The following VPS13B variants were observed in gnomAD, a reference collection of about 807,000 sequenced individuals.
VPS13B encodes the protein intermembrane lipid transfer protein VPS13B.
A neutral mutation model predicts 426.4 loss-of-function variants in VPS13B; 285 were observed. The observed-to-expected ratio is 0.67, with a 90% CI of 0.61 to 0.74. VPS13B has a LOEUF of 0.74. Ranked by LOEUF, VPS13B falls within the 30% of genes least tolerant of loss-of-function variation. VPS13B has a pLI of 0.00. For synonymous variants in VPS13B, 1,676 were observed against 1,676.4 expected (o/e 1.00, Z 0.01); for missense variants, 4,537 against 4,782.6 (o/e 0.95, Z 1.51).
chr8:99,342,188 A>G (rs1588271717), intron 19 of VPS13B, among the ~76,000 whole-genome samples: 1 of 152,346 alleles, frequency 6.6e-6, no homozygotes, highest in African/African-American at 2.4e-5. Context: ...ACAATGTGGC[A>G]TGATTAAATC....
rs1817675461 is a variant in VPS13B, at chr8:99,875,869, A to T, written c.*203A>T. On this transcript the variant is annotated 3_prime_UTR_variant, in exon 62 of 62. Coordinates refer to ENST00000357162, the MANE Select transcript of VPS13B (RefSeq NM_152564.5). ...CCACCATAAAGGGCTGCATTTTTTTAAAAAGCCTAGGCAGCTCTAACATCA... is the reference window on the plus strand; with the variant it reads ...CCACCATAAAGGGCTGCATTTTTTTTAAAAGCCTAGGCAGCTCTAACATCA... The T allele has an allele frequency of 3.1e-6, 2 of 637,552 alleles. No individual in the cohort carries two copies. The highest frequency in any genetic ancestry group is 5.4e-6 in the Non-Finnish European group (2 of 373,072). The allele number at this position is 637,552 out of a possible 1,614,324, so 39.5% of individuals were successfully genotyped here.
chr8:99,316,425 C>T (rs1236907450), intron 19 of VPS13B, among the ~76,000 whole-genome samples: 1 of 152,118 alleles, frequency 6.6e-6, no homozygotes, highest in Non-Finnish European at 1.5e-5. Context: ...GTTGCTTAGG[C>T]CTCAGGGCGT....
intron 36 of VPS13B, among the ~76,000 whole-genome samples, chr8:99,711,048 T>C (rs1236529626): frequency 6.6e-6 from 1 of 152,036 alleles, no homozygotes; most frequent in Non-Finnish European, 1.5e-5. Flanking sequence ...ACTTAACTAA[T>C]GTGTTTATTA....
chr8:99,529,262 G>A (rs755643984), intron 30 of VPS13B, among the ~76,000 whole-genome samples: 8 of 152,050 alleles, frequency 5.3e-5, no homozygotes, highest in Admixed American at 1.3e-4. Context: ...GTCTGTATGC[G>A]TGTGTGTCTG....
At chr8:99,637,577 C>T (rs1176329001) in intron 33 of VPS13B, among the ~76,000 whole-genome samples, 2 of 152,200 alleles carry the variant, frequency 1.3e-5, no homozygotes, top group Middle Eastern at 3.4e-3. Context: ...TGCCATCCTG[C>T]CACTGCTGGT....
chr8:99,171,527 G>T (rs898482726), intron 16 of VPS13B, among the ~76,000 whole-genome samples: 2 of 151,808 alleles, frequency 1.3e-5, no homozygotes, highest in African/African-American at 4.8e-5. Flanking sequence ...AATCAATATT[G>T]AAATAAGTAA....
At chr8:99,212,092 C>T (rs566554464) in intron 17 of VPS13B, among the ~76,000 whole-genome samples, 9 of 152,108 alleles carry the variant, frequency 5.9e-5, no homozygotes, top group Admixed American at 3.9e-4. Context: ...GGGGTTTCAC[C>T]ATGTTGGCCA....
At chr8:99,201,171 TG>T (rs1357675803) in intron 17 of VPS13B, among the ~76,000 whole-genome samples, 1 of 152,106 alleles carries the variant, frequency 6.6e-6, no homozygotes, top group Non-Finnish European at 1.5e-5. Context: ...ATAAGAAATG[TG>T]TATATGTTTC....
At chr8:99,710,246 T>C (rs1450983807) in intron 36 of VPS13B, among the ~76,000 whole-genome samples, 1 of 152,212 alleles carries the variant, frequency 6.6e-6, no homozygotes, top group Non-Finnish European at 1.5e-5. Flanking sequence ...TACAAAATTA[T>C]TCAGGCCTTT....
intron 7 of VPS13B, among the ~76,000 whole-genome samples, chr8:99,116,182 C>T (rs897892615): frequency 4.3e-4 from 62 of 145,602 alleles, no homozygotes; most frequent in African/African-American, 1.5e-3. Flanking sequence ...CATGCATCAC[C>T]ACGCCTGTGT....
At chr8:99,874,475 T>C (rs77721003) in intron 61 of VPS13B, among the ~76,000 whole-genome samples, 2,816 of 152,300 alleles carry the variant, frequency 0.018, 92 homozygotes, top group African/African-American at 0.065. Context: ...TTTGATAGCA[T>C]TGTTACTGGA....
intron 19 of VPS13B, among the ~76,000 whole-genome samples, chr8:99,325,678 C>T (rs1810216503): frequency 6.6e-6 from 1 of 152,132 alleles, no homozygotes; most frequent in African/African-American, 2.4e-5. Context: ...ACATTATTTT[C>T]CATGATTGGC....
At chr8:99,114,329 G>A (rs934755814) in intron 6 of VPS13B, among the ~76,000 whole-genome samples, 3 of 151,916 alleles carry the variant, frequency 2.0e-5, no homozygotes, top group African/African-American at 7.3e-5. Flanking sequence ...TTTAATTGCC[G>A]TTTATTAGTG....
chr8:99,251,494 C>G (rs1817509377), intron 17 of VPS13B, among the ~76,000 whole-genome samples: 1 of 152,106 alleles, frequency 6.6e-6, no homozygotes, highest in African/African-American at 2.4e-5. Context: ...AACCAGTCAT[C>G]CAGTTCTGGA....
chr8:99,800,686 T>C (rs1050635409), intron 43 of VPS13B, among the ~76,000 whole-genome samples: 45 of 152,184 alleles, frequency 3.0e-4, no homozygotes, highest in Admixed American at 1.2e-3. Context: ...AAATGAAAAA[T>C]GCTACTATTT....
intron 42 of VPS13B, among the ~76,000 whole-genome samples, chr8:99,780,566 A>G (rs1811969102): frequency 6.6e-6 from 1 of 152,128 alleles, no homozygotes; most frequent in South Asian, 2.1e-4. Context: ...TTTTAATGGA[A>G]TTGTATATTT....
intron 24 of VPS13B, among the ~76,000 whole-genome samples, chr8:99,478,144 AC>A (rs1819794494): frequency 6.6e-6 from 1 of 150,850 alleles, no homozygotes; most frequent in Non-Finnish European, 1.5e-5. Context: ...ATGTGATGAA[AC>A]TTCTGTTTAC....
Position 99,875,906 on chromosome 8 carries a change from C to A in VPS13B, c.*240C>A. 5 of 554,576 alleles carry A rather than the reference C, an allele frequency of 9.0e-6. No individual in the cohort carries two copies. The highest frequency in any genetic ancestry group is 1.3e-5 in the Non-Finnish European group (4 of 311,090). 34.4% of individuals were successfully genotyped at this position (554,576 alleles called of 1,614,324 possible). A position where few individuals can be genotyped will look rare whatever the true frequency, so the allele number is the denominator to read the frequency against. On this transcript the variant is annotated 3_prime_UTR_variant, in exon 62 of 62. Coordinates refer to ENST00000357162, the MANE Select transcript of VPS13B (RefSeq NM_152564.5). The stretch of plus-strand genomic sequence containing the variant: ...CAGCTCTAACATCATCTGATATGGA[C>A]ACAAGGCCAACAGTTTCCTTATTTA...
intron 29 of VPS13B, among the ~76,000 whole-genome samples, chr8:99,518,354 A>C (rs1002410335): frequency 6.6e-6 from 1 of 152,178 alleles, no homozygotes; most frequent in African/African-American, 2.4e-5. Flanking sequence ...GTTGGCATAA[A>C]ATGCAAGACC....
Sources: gnomAD v4.1 joint callset for allele counts (sites outside exome capture counted in the v4.1 genomes callset) on GRCh38, gnomAD v4.1.1 for gene constraint, MANE v1.5 for transcripts, NCBI Gene and HGNC (gene_info 2026-07-23, HGNC 2026-07-21) for gene names.